ADGRL3: variants seen among roughly 807,000 people sequenced by gnomAD.
ADGRL3 encodes calcium-independent alpha-latrotoxin receptor 3.
A neutral mutation model predicts 153.5 loss-of-function variants in ADGRL3; 62 were observed. The observed-to-expected ratio is 0.40, with a 90% CI of 0.33 to 0.50. ADGRL3 has a LOEUF of 0.50. ADGRL3 is among the 20% of genes least tolerant of loss of function. ADGRL3 has a pLI of 0.47. For synonymous variants in ADGRL3, 710 were observed against 672.5 expected, an observed-to-expected ratio of 1.06 and a Z score of -0.86; for missense variants, 1,641 against 1,859.4, an observed-to-expected ratio of 0.88 and a Z score of 2.16.
chr4:62,006,003 C>CACACACACACACACATAT (rs1230956055), intron 21 of ADGRL3, among the ~76,000 whole-genome samples: 8 of 48,984 alleles, frequency 1.6e-4, no homozygotes, highest in African/African-American at 5.2e-4. Context: ...CACACACACA[C>CACACACACACACACATAT]ATATATATAT....
chr4:61,269,896 C>T (rs183299872), intron 1 of ADGRL3, among the ~76,000 whole-genome samples: 6 of 151,680 alleles, frequency 4.0e-5, no homozygotes, highest in South Asian at 2.1e-4. Flanking sequence ...AGTTTTGCCC[C>T]TTTCTTTTAC....
intron 1 of ADGRL3, among the ~76,000 whole-genome samples, chr4:61,262,584 C>G (rs2092602513): frequency 6.6e-6 from 1 of 152,138 alleles, no homozygotes; most frequent in Non-Finnish European, 1.5e-5. Flanking sequence ...ACCGGAACTT[C>G]TCTGGTCTCT....
Position 61,525,669 on chromosome 4 carries a change from G to T in ADGRL3, c.259+8151G>T, listed in dbSNP as rs1285839895. On this transcript the variant is annotated intron_variant, in intron 4 of 26. Coordinates refer to ENST00000683033, the MANE Select transcript of ADGRL3 (RefSeq NM_001387552.1). Reference sequence around the variant, plus strand: ...TCTGAACTGGGGAGATAGCAATGGGGATGGAAAGAAGAGGAATGATGTGAG... The same window carrying T: ...TCTGAACTGGGGAGATAGCAATGGGTATGGAAAGAAGAGGAATGATGTGAG... Among the ~76,000 whole-genome samples the T allele has an allele frequency of 5.9e-5, 9 of 152,238 alleles. No individual in the cohort carries two copies. The East Asian group carries it at 1.7e-3, about 29-fold the overall frequency.
chr4:61,257,384 C>G (rs1016232251), intron 1 of ADGRL3, among the ~76,000 whole-genome samples: 14 of 152,108 alleles, frequency 9.2e-5, no homozygotes, highest in African/African-American at 3.4e-4. Flanking sequence ...AAAACAATAG[C>G]TTTAACATAA....
Position 61,786,541 on chromosome 4 carries a change from A to G in ADGRL3, c.1400-27268A>G, listed in dbSNP as rs560179167. Among the ~76,000 whole-genome samples the G allele has an allele frequency of 4.6e-5, 7 of 152,298 alleles. No homozygotes were observed. The South Asian group carries it at 1.4e-3, about 32-fold the overall frequency. ...TGGGGAAAAAGAGGAGATGCAAGGT[A>G]TTTGGCAAGGCACCCTTAGCTGCTA... On this transcript the variant is annotated intron_variant, in intron 8 of 26. Coordinates refer to ENST00000683033, the MANE Select transcript of ADGRL3 (RefSeq NM_001387552.1).
chr4:61,397,662 T>G (rs1309180435), intron 2 of ADGRL3, among the ~76,000 whole-genome samples: 1 of 151,870 alleles, frequency 6.6e-6, no homozygotes, highest in Non-Finnish European at 1.5e-5. Context: ...TCTAATTGCT[T>G]CATATGAATA....
intron 17 of ADGRL3, among the ~76,000 whole-genome samples, chr4:61,973,411 AT>A (rs1385229008): frequency 4.6e-5 from 7 of 152,104 alleles, no homozygotes; most frequent in Non-Finnish European, 1.0e-4. Flanking sequence ...GACAAAGCAG[AT>A]TACCTAAGAC....
intron 1 of ADGRL3, among the ~76,000 whole-genome samples, chr4:61,316,255 G>A (rs1437840287): frequency 6.6e-6 from 1 of 152,112 alleles, no homozygotes; most frequent in Non-Finnish European, 1.5e-5. Flanking sequence ...ATTTGAAAGA[G>A]CCCTGAAACA....
At chr4:61,668,315 A>G (rs2150734085) in intron 5 of ADGRL3, among the ~76,000 whole-genome samples, 1 of 152,346 alleles carries the variant, frequency 6.6e-6, no homozygotes, top group East Asian at 1.9e-4. Context: ...GATTTTCCCC[A>G]AAGCTTCCTT....
At chr4:61,389,824 A>G (rs1258363682) in intron 2 of ADGRL3, among the ~76,000 whole-genome samples, 2 of 152,122 alleles carry the variant, frequency 1.3e-5, no homozygotes, top group Non-Finnish European at 2.9e-5. Flanking sequence ...ACATGCATAA[A>G]TGGTGACCTT....
At chr4:61,869,936 T>TAAAAAAAAAAAAAAA (rs1190618911) in intron 9 of ADGRL3, among the ~76,000 whole-genome samples, 509 of 10,492 alleles carry the variant, frequency 0.049, 159 homozygotes, top group Non-Finnish European at 0.11. Flanking sequence ...AAAACTTTGT[T>TAAAAAAAAAAAAAAA]AAAAAAAAAA....
intron 9 of ADGRL3, among the ~76,000 whole-genome samples, chr4:61,837,226 C>A (rs2097950383): frequency 6.6e-6 from 1 of 152,060 alleles, no homozygotes; most frequent in Non-Finnish European, 1.5e-5. Context: ...AAAAACTTTT[C>A]TTCTACCCAC....
At chr4:61,241,998 C>G (rs1299107081) in intron 1 of ADGRL3, among the ~76,000 whole-genome samples, 1 of 152,030 alleles carries the variant, frequency 6.6e-6, no homozygotes, top group Non-Finnish European at 1.5e-5. Flanking sequence ...GCTATGGCTT[C>G]TATCCATCCC....
At chr4:61,663,629 G>A (rs539869740) in intron 5 of ADGRL3, among the ~76,000 whole-genome samples, 2 of 152,292 alleles carry the variant, frequency 1.3e-5, no homozygotes, top group Admixed American at 6.5e-5. Context: ...CCAGCAGGCC[G>A]GAGCAAAACT....
chr4:61,335,545 C>A (rs1396762765), intron 1 of ADGRL3, among the ~76,000 whole-genome samples: 1 of 152,080 alleles, frequency 6.6e-6, no homozygotes, highest in African/African-American at 2.4e-5. Context: ...ATGTCAAAAG[C>A]TTCATTTTTT....
intron 2 of ADGRL3, among the ~76,000 whole-genome samples, chr4:61,411,163 C>T (rs748583634): frequency 6.6e-6 from 1 of 152,104 alleles, no homozygotes; most frequent in Non-Finnish European, 1.5e-5. Context: ...TGTCAATTGT[C>T]CCAACAATGT....
At chr4:62,010,154 T>C (rs878875487) in intron 21 of ADGRL3, among the ~76,000 whole-genome samples, 1 of 152,146 alleles carries the variant, frequency 6.6e-6, no homozygotes, top group Admixed American at 6.5e-5. Flanking sequence ...TGATTCAACA[T>C]TGGCTGCTCT....
At chr4:61,226,648 T>C (rs1748089376) in intron 1 of ADGRL3, among the ~76,000 whole-genome samples, 1 of 152,188 alleles carries the variant, frequency 6.6e-6, no homozygotes, top group Non-Finnish European at 1.5e-5. Flanking sequence ...TTATTTGCCT[T>C]ATTGTATGGG....
chr4:61,724,324 G>A lies in ADGRL3; in HGVS notation c.584-6298G>A, dbSNP rs553303175. On this transcript the variant is annotated intron_variant, in intron 6 of 26. Coordinates refer to ENST00000683033, the MANE Select transcript of ADGRL3 (RefSeq NM_001387552.1). Reference sequence around the variant, plus strand: ...CTCAAAAGAGTCTACTAAGAGAGCTGCATTTTCTTCTAAAAGGCTGAATTA... The same window carrying A: ...CTCAAAAGAGTCTACTAAGAGAGCTACATTTTCTTCTAAAAGGCTGAATTA... Among the ~76,000 whole-genome samples the A allele has an allele frequency of 1.1e-4, 17 of 152,272 alleles. No individual in the cohort carries two copies. The South Asian group carries it at 3.3e-3, about 30-fold the overall frequency.
Sources: gnomAD v4.1 joint callset for allele counts (sites outside exome capture counted in the v4.1 genomes callset) on GRCh38, gnomAD v4.1.1 for gene constraint, MANE v1.5 for transcripts, NCBI Gene and HGNC (gene_info 2026-07-23, HGNC 2026-07-21) for gene names.